Variants in RRN3 observed in about 807,000 individuals in gnomAD.
The protein encoded by RRN3 is RNA polymerase I transcription factor RRN3.
A neutral mutation model predicts 82.3 loss-of-function variants in RRN3; 38 were observed. The observed-to-expected ratio is 0.46, with a 90% confidence interval of 0.36 to 0.61. RRN3 has a LOEUF of 0.61. Among genes scored for constraint, RRN3 ranks in the 20% least tolerant of loss-of-function variants. The pLI, the probability that RRN3 is intolerant of heterozygous loss-of-function variation, is 0.00. For missense variants in RRN3, 726 were observed against 793.1 expected (o/e 0.92, Z 1.02); for synonymous variants, 284 against 284.3 (o/e 1.00, Z 0.01).
At chr16:15,078,614 C>T (rs1225697218) in intron 9 of RRN3, among the ~76,000 whole-genome samples, 1 of 152,130 alleles carries the variant, frequency 6.6e-6, no homozygotes, top group African/African-American at 2.4e-5. Context: ...CCTGAGCATC[C>T]AGGCTCTTGG....
chr16:15,068,812 A>G (rs1419828098), intron 14 of RRN3, among the ~76,000 whole-genome samples: 1 of 152,226 alleles, frequency 6.6e-6, no homozygotes, highest in Admixed American at 6.5e-5. Flanking sequence ...CTTAGACTTA[A>G]TGAATATAAT....
chr16:15,074,213 G>C (rs935371261), intron 11 of RRN3, among the ~76,000 whole-genome samples: 3 of 152,154 alleles, frequency 2.0e-5, no homozygotes, highest in African/African-American at 7.2e-5. Flanking sequence ...TCAGATTCCA[G>C]TTCTATTATT....
rs1004242367 is a variant in RRN3 at position 15,075,584 on chromosome 16, GAAAGA to G, written c.859-728_859-724del. On this transcript the variant is annotated intron_variant, in intron 10 of 17. Coordinates refer to ENST00000198767, the MANE Select transcript of RRN3 (RefSeq NM_018427.5). ...TGAGACCCTGTCTCAAATTAAAAAA[GAAAGA>G]AAAGAAAGAAAGAAATGCAGACACC... is the stretch of plus-strand genomic sequence containing the variant. 2.5e-3 allele frequency among the ~76,000 whole-genome samples: 204 copies of G among 81,966 alleles called. 1 individual carries two copies. The highest frequency in any genetic ancestry group is 4.8e-3 in the Non-Finnish European group (138 of 29,028). The allele number at this position is 81,966 out of a possible 152,430, so 53.8% of individuals were successfully genotyped here.
chr16:15,069,332 C>T (rs1176864211), intron 14 of RRN3, among the ~76,000 whole-genome samples: 3 of 152,116 alleles, frequency 2.0e-5, no homozygotes, highest in South Asian at 2.1e-4. Flanking sequence ...AAATGGCAAT[C>T]GTGCAGGGTT....
intron 17 of RRN3, 25 bp from the exon 18 acceptor site, chr16:15,061,930 G>A (rs373928366): frequency 2.8e-5 from 44 of 1,596,942 alleles, no homozygotes; most frequent in Non-Finnish European, 3.5e-5. Flanking sequence ...GAAATCATCA[G>A]TAACATCACC....
intron 8 of RRN3, among the ~76,000 whole-genome samples, chr16:15,082,986 C>A (rs1197719035): frequency 1.3e-5 from 2 of 151,892 alleles, no homozygotes; most frequent in Admixed American, 1.3e-4. Flanking sequence ...CAGACCTTGA[C>A]TTGCACATAG....
At position 15,060,179 on chromosome 16, in the gene RRN3, T is replaced by A. The variant is rs1310630510; in HGVS notation, c.*1565A>T. 1 of 423,042 alleles carries A rather than the reference T, an allele frequency of 2.4e-6. No individual in the cohort carries two copies. Among genetic ancestry groups the A allele is most frequent in the African/African-American group, 2.0e-5 (1 of 48,824 alleles). The allele number at this position is 423,042 out of a possible 1,614,324, so 26.2% of individuals were successfully genotyped here. On this transcript the variant is annotated 3_prime_UTR_variant, in exon 18 of 18. Coordinates refer to ENST00000198767, the MANE Select transcript of RRN3 (RefSeq NM_018427.5). ...AATGTCTTTCTACATTAAAACTACT[T>A]CCCAACCCACAAAGACCCCACTTAC...
At chr16:15,079,588 TTTC>T (rs767234234) in intron 9 of RRN3, among the ~76,000 whole-genome samples, 29 of 118,462 alleles carry the variant, frequency 2.4e-4, no homozygotes, top group Admixed American at 5.3e-4. Flanking sequence ...GTGCTAGTGG[TTTC>T]TTTTCTTTTT....
At chr16:15,078,083 T>A (rs1339549847) in intron 9 of RRN3, among the ~76,000 whole-genome samples, 1 of 152,210 alleles carries the variant, frequency 6.6e-6, no homozygotes, top group Non-Finnish European at 1.5e-5. Flanking sequence ...CATGCCATTT[T>A]TTATTATCTA....
chr16:15,088,912 G>A (rs1310897215), intron 3 of RRN3, among the ~76,000 whole-genome samples: 1 of 151,872 alleles, frequency 6.6e-6, no homozygotes, highest in Non-Finnish European at 1.5e-5. Context: ...GAGAACCAGG[G>A]AAAGCTCCAT....
intron 3 of RRN3, among the ~76,000 whole-genome samples, chr16:15,091,093 G>T (rs2046114421): frequency 6.6e-6 from 1 of 152,026 alleles, no homozygotes. Flanking sequence ...CCCACTAGAT[G>T]CCAGTAGCAC....
chr16:15,082,704 T>C (rs2045757570), intron 8 of RRN3, among the ~76,000 whole-genome samples: 9 of 151,956 alleles, frequency 5.9e-5, no homozygotes, highest in Admixed American at 5.9e-4. Flanking sequence ...CAATCTTGCA[T>C]TCTTAACATC....
intron 7 of RRN3, among the ~76,000 whole-genome samples, chr16:15,084,054 T>C (rs1374016984): frequency 6.6e-6 from 1 of 152,210 alleles, no homozygotes; most frequent in Admixed American, 6.5e-5. Context: ...TGAGAAAATC[T>C]ATAACGACTT....
At chr16:15,076,127 C>T (rs926967549) in intron 10 of RRN3, among the ~76,000 whole-genome samples, 3 of 152,212 alleles carry the variant, frequency 2.0e-5, no homozygotes, top group Admixed American at 2.0e-4. Context: ...TGCTCCCTGA[C>T]ACCCTCTGTC....
chr16:15,071,246 G>A lies in RRN3; in HGVS notation c.1134C>T (p.Phe378=), dbSNP rs73491931. Residue 378 remains phenylalanine (F), a synonymous_variant, in exon 13 of 18, where the codon TTC becomes TTT. Coordinates refer to ENST00000198767, the MANE Select transcript of RRN3 (RefSeq NM_018427.5). ...AGAGATGTTCCAAAAATGCCTCTGC[G>A]AATCCCTATAAAAAGAGAGGGCGTC... ...MFYLCSFKLG[F]AEAFLEHLWK... is the part of the protein sequence containing the mutation. 57,991 of 1,606,908 alleles carry A rather than the reference G, an allele frequency of 0.036. 1,459 individuals carry two copies. Among genetic ancestry groups the A allele is most frequent in the African/African-American group, 0.12 (9,005 of 74,580 alleles).
chr16:15,065,835 C>T (rs904800974), intron 15 of RRN3, among the ~76,000 whole-genome samples: 1 of 152,062 alleles, frequency 6.6e-6, no homozygotes, highest in Non-Finnish European at 1.5e-5. Flanking sequence ...TGAAGAAGCA[C>T]TGAAAAAGAA....
intron 3 of RRN3, among the ~76,000 whole-genome samples, chr16:15,090,236 AT>A (rs1287536228): frequency 6.6e-6 from 1 of 152,074 alleles, no homozygotes; most frequent in Non-Finnish European, 1.5e-5. Context: ...TGAAATCAGC[AT>A]GTAAAAAAAA....
rs949199841 is a variant in RRN3 at position 15,068,205 on chromosome 16, A to C, written c.1517T>G (p.Leu506Arg). The change falls in exon 15 of 18, where the codon CTG (leucine) becomes CGG (arginine). Residue 506 changes from leucine to arginine, a missense_variant. Transcript: ENST00000198767. Reference protein sequence around the residue: ...MSQLNPLKICLPSVVNFFAAI... With the variant: ...MSQLNPLKICRPSVVNFFAAI... The stretch of plus-strand genomic sequence containing the variant: ...AGCAAAAAAGTTAACCACTGAGGGC[A>C]GGCAAATCTTCAGGGGATTTAGCTG... 1.4e-5 allele frequency: 22 copies of C among 1,597,920 alleles called. No individual in the cohort carries two copies. Among genetic ancestry groups the C allele is most frequent in the African/African-American group, 5.4e-5 (4 of 73,856 alleles).
At chr16:15,091,742 T>A (rs1467060437) in intron 2 of RRN3, among the ~76,000 whole-genome samples, 1 of 152,212 alleles carries the variant, frequency 6.6e-6, no homozygotes. Context: ...GGATATTACA[T>A]ATAAACATAT....
Sources: gnomAD v4.1 joint callset for allele counts (sites outside exome capture counted in the v4.1 genomes callset) on GRCh38, gnomAD v4.1.1 for gene constraint, MANE v1.5 for transcripts, NCBI Gene and HGNC (gene_info 2026-07-23, HGNC 2026-07-21) for gene names.